ADNP: variants seen among roughly 807,000 people sequenced by gnomAD.
The protein encoded by ADNP is activity-dependent neuroprotector homeobox protein.
In ADNP, 4 loss-of-function variants were observed where a neutral mutation model predicts 84.9. The observed-to-expected ratio is 0.05, with a 90% CI of 0.02 to 0.11. The LOEUF (loss-of-function observed/expected upper bound fraction) is 0.11, where lower values mean the gene tolerates loss of function less well. ADNP is among the 10% of genes least tolerant of loss of function. The pLI, the probability that ADNP is intolerant of heterozygous loss-of-function variation, is 1.00. For synonymous variants in ADNP, 554 were observed against 468.1 expected, an observed-to-expected ratio of 1.18 and a Z score of -2.37; for missense variants, 1,132 against 1,326.0, an observed-to-expected ratio of 0.85 and a Z score of 2.27.
At position 50,889,344 on chromosome 20, in the gene ADNP, G is replaced by C. The variant is rs1980404272; in HGVS notation, c.*2061C>G. 6.6e-6 allele frequency: 1 copy of C among 152,220 alleles called. No homozygotes were observed. The highest frequency in any genetic ancestry group is 6.5e-5 in the Admixed American group (1 of 15,276). 9.4% of individuals were successfully genotyped at this position (152,220 alleles called of 1,614,324 possible). A position where few individuals can be genotyped will look rare whatever the true frequency, so the allele number is the denominator to read the frequency against. On this transcript the variant is annotated 3_prime_UTR_variant, in exon 6 of 6. Transcript: ENST00000621696. Reference sequence around the variant, plus strand: ...ATAAATGTGAGCTGGCCTAAATCCAGCTGGTTATTTCTGATTTGGTAATCT... The same window carrying C: ...ATAAATGTGAGCTGGCCTAAATCCACCTGGTTATTTCTGATTTGGTAATCT...
intron 2 of ADNP, among the ~76,000 whole-genome samples, chr20:50,911,944 C>T (rs951760613): frequency 5.3e-5 from 8 of 151,948 alleles, no homozygotes. Context: ...CCTTCAACTG[C>T]AGGTGTAAAC....
chr20:50,908,147 GTTTTTTTTT>G (rs142605027), intron 2 of ADNP, among the ~76,000 whole-genome samples: 3 of 105,918 alleles, frequency 2.8e-5, no homozygotes, highest in African/African-American at 7.0e-5. Flanking sequence ...AGATTTTTCT[GTTTTTTTTT>G]TTTTTTTTTT....
intron 2 of ADNP, among the ~76,000 whole-genome samples, chr20:50,928,202 C>G (rs1984413298): frequency 6.6e-6 from 1 of 152,178 alleles, no homozygotes; most frequent in African/African-American, 2.4e-5. Flanking sequence ...ATTCAGTTCT[C>G]CATAAACTTA....
chr20:50,911,468 T>C (rs368520451), intron 2 of ADNP, among the ~76,000 whole-genome samples: 1 of 152,118 alleles, frequency 6.6e-6, no homozygotes, highest in African/African-American at 2.4e-5. Context: ...TTGTACATTA[T>C]TTGGGTGATG....
chr20:50,899,007 T>C (rs1301349982), intron 5 of ADNP, among the ~76,000 whole-genome samples: 6 of 152,186 alleles, frequency 3.9e-5, no homozygotes, highest in Non-Finnish European at 8.8e-5. Flanking sequence ...TAGTATTTAC[T>C]ATACAGTTGA....
chr20:50,919,163 T>C (rs1160881644), intron 2 of ADNP, among the ~76,000 whole-genome samples: 1 of 151,978 alleles, frequency 6.6e-6, no homozygotes, highest in African/African-American at 2.4e-5. Flanking sequence ...TCTTAAAATA[T>C]GCAGCAGGAC....
rs761224524 is a variant in ADNP at position 50,893,991 on chromosome 20, G to A, written c.723C>T (p.Ile241=). ...GATAGCCTATACGTTCATGGTCTTC[G>A]ATGACATGCTGTACCAAAGCTTCAT... The part of the protein sequence containing the change: ...KSYEALVQHV[I]EDHERIGYQV... The change falls in exon 6 of 6, where the codon ATC becomes ATT. Residue 241 remains isoleucine, a synonymous_variant. Transcript: ENST00000621696. The surrounding 1 kb of genome is among the most constrained non-coding windows in gnomAD (Gnocchi z 4.4). 4.5e-5 allele frequency: 73 copies of A among 1,614,112 alleles called. No individual in the cohort carries two copies. Among genetic ancestry groups the A allele is most frequent in the Middle Eastern group, 3.3e-4 (2 of 6,062 alleles).
chr20:50,902,062 T>C lies in ADNP; in HGVS notation c.156A>G (p.Thr52=), dbSNP rs748877316. The C allele has an allele frequency of 1.2e-6, 2 of 1,613,786 alleles. No homozygotes were observed. The highest frequency in any genetic ancestry group is 1.1e-5 in the South Asian group (1 of 91,066). The change falls in exon 5 of 6, where the codon ACA becomes ACG. Residue 52 remains threonine, a synonymous_variant. Coordinates refer to ENST00000621696, the MANE Select transcript of ADNP (RefSeq NM_001282531.3). Reference sequence around the variant, plus strand: ...GGTCCCACAGTCCTACATCCTCCCATGTAGTGTTTTTCAAATAAAAGTCAT... The same window carrying C: ...GGTCCCACAGTCCTACATCCTCCCACGTAGTGTTTTTCAAATAAAAGTCAT... ...EPNDFYLKNT[T]WEDVGLWDPS...
At chr20:50,900,459 G>A (rs996196863) in intron 5 of ADNP, among the ~76,000 whole-genome samples, 1 of 152,178 alleles carries the variant, frequency 6.6e-6, no homozygotes, top group Non-Finnish European at 1.5e-5. Context: ...GGTATTATAC[G>A]CTGTAAATAA....
chr20:50,910,795 G>C, intron 2 of ADNP, among the ~76,000 whole-genome samples: 1 of 152,094 alleles, frequency 6.6e-6, no homozygotes, highest in East Asian at 1.9e-4. Context: ...GATGAGACTA[G>C]AGGTATGCGC....
chr20:50,916,541 TGTC>T (rs1031641278), intron 2 of ADNP, among the ~76,000 whole-genome samples: 8 of 152,220 alleles, frequency 5.3e-5, no homozygotes, highest in Admixed American at 3.3e-4. Flanking sequence ...AGCTCCAGCT[TGTC>T]AGTCTCCCTA....
intron 5 of ADNP, among the ~76,000 whole-genome samples, chr20:50,897,221 G>C (rs184744499): frequency 1.3e-5 from 2 of 152,154 alleles, no homozygotes; most frequent in South Asian, 2.1e-4. Flanking sequence ...GATTACAGGC[G>C]TGAGCCACCA....
chr20:50,912,627 A>G (rs1418721129), intron 2 of ADNP, among the ~76,000 whole-genome samples: 1 of 152,212 alleles, frequency 6.6e-6, no homozygotes, highest in Non-Finnish European at 1.5e-5. Context: ...AATTTATGCA[A>G]AAGTGGCAGG....
chr20:50,892,560 A>G lies in ADNP; in HGVS notation c.2154T>C (p.Thr718=), dbSNP rs374118379. 24 of 1,614,090 alleles carry G rather than the reference A, an allele frequency of 1.5e-5. No homozygotes were observed. The highest frequency in any genetic ancestry group is 3.4e-6 in the Non-Finnish European group (4 of 1,180,048). The change falls in exon 6 of 6, where the codon ACT becomes ACC. Residue 718 remains threonine (T), a synonymous_variant. Transcript: ENST00000621696. Reference sequence around the variant, plus strand: ...GTAAGGGAAATTCCATTTGCTCGTAAGTGCGCTTCACAGGTGCCAGACTTG... The same window carrying G: ...GTAAGGGAAATTCCATTTGCTCGTAGGTGCGCTTCACAGGTGCCAGACTTG... ...QSPSLAPVKR[T]YEQMEFPLLK...
intron 2 of ADNP, among the ~76,000 whole-genome samples, chr20:50,913,451 A>AT (rs1195109509): frequency 6.6e-6 from 1 of 152,112 alleles, no homozygotes; most frequent in African/African-American, 2.4e-5. Context: ...GAATTTTTAT[A>AT]TATCTCTTAT....
At chr20:50,913,250 CAAAAAAAAAAAAAAAAAAAAAAA>C (rs56911332) in intron 2 of ADNP, among the ~76,000 whole-genome samples, 20 of 42,890 alleles carry the variant, frequency 4.7e-4, no homozygotes, top group Non-Finnish European at 6.0e-4. Context: ...GACTCTGTCT[CAAAAAAAAAAAAAAAAAAAAAAA>C]AAAAAAAAAA....
At chr20:50,905,021 T>A (rs1982335575) in intron 2 of ADNP, 172 bp from the exon 3 acceptor site, 1 of 152,146 alleles carries the variant, frequency 6.6e-6, no homozygotes, top group Non-Finnish European at 1.5e-5. Flanking sequence ...TGTTACAGAC[T>A]TTAAGGAGGG....
rs866279856 is a variant in ADNP at position 50,919,476 on chromosome 20, A to G, written c.-90+9175T>C. Among the ~76,000 whole-genome samples the G allele has an allele frequency of 2.6e-5, 4 of 151,954 alleles. No homozygotes were observed. The East Asian group carries it at 7.7e-4, about 29-fold the overall frequency. The stretch of plus-strand genomic sequence containing the variant: ...GAACTTTGGTTTTTTTCCCTGCTGT[A>G]TCTCTATCATCTATGTCAATGACTA... On this transcript the variant is annotated intron_variant, in intron 2 of 5. Coordinates refer to ENST00000621696, the MANE Select transcript of ADNP (RefSeq NM_001282531.3).
At chr20:50,908,135 A>G (rs1050642131) in intron 2 of ADNP, among the ~76,000 whole-genome samples, 1 of 146,624 alleles carries the variant, frequency 6.8e-6, no homozygotes, top group African/African-American at 2.6e-5. Flanking sequence ...AAGCATTTGC[A>G]AAGATTTTTC....
Sources: gnomAD v4.1 joint callset for allele counts (sites outside exome capture counted in the v4.1 genomes callset) on GRCh38, gnomAD v4.1.1 for gene constraint, Gnocchi (gnomAD v3.1) non-coding constraint, MANE v1.5 for transcripts, NCBI Gene and HGNC (gene_info 2026-07-23, HGNC 2026-07-21) for gene names.